The following ANK2 variants were observed in gnomAD, a reference collection of about 807,000 sequenced individuals.
ANK2 encodes ankyrin-2.
In ANK2, 83 loss-of-function variants were observed where a neutral mutation model predicts 360.5. That is an observed-to-expected ratio of 0.23 (90% CI 0.19 to 0.28). The LOEUF is 0.28. Among genes scored for constraint, ANK2 ranks in the 10% least tolerant of loss-of-function variants. The pLI, the probability that ANK2 is intolerant of heterozygous loss-of-function variation, is 1.00. For synonymous variants in ANK2, 1,740 were observed against 1,759.5 expected (o/e 0.99, Z 0.28); for missense variants, 4,201 against 4,795.7 (o/e 0.88, Z 3.66).
intron 31 of ANK2, among the ~76,000 whole-genome samples, chr4:113,338,581 G>T (rs1436093958): frequency 1.9e-5 from 2 of 107,148 alleles, no homozygotes; most frequent in South Asian, 5.9e-4. Context: ...ACGGAGTCTT[G>T]CTCTGTCGCC....
chr4:112,708,079 T>C, the ANK2 span, among the ~76,000 whole-genome samples: 1 of 152,238 alleles, frequency 6.6e-6, no homozygotes, highest in South Asian at 2.1e-4. Context: ...ACAGAAGTAC[T>C]GACAACCTCT....
At chr4:113,292,985 T>C in intron 21 of ANK2, 1 of 355,248 alleles carries the variant, frequency 2.8e-6, no homozygotes, top group Non-Finnish European at 5.5e-6. Context: ...TGTGTTATTT[T>C]GCTGCACAGT....
intron 33 of ANK2, 107 bp from the exon 34 acceptor site, chr4:113,342,910 T>A: frequency 7.3e-7 from 1 of 1,370,994 alleles, no homozygotes; most frequent in Non-Finnish European, 1.0e-6. Flanking sequence ...GATGGTTGTA[T>A]GTGTATTATA....
Position 113,288,485 on chromosome 4 carries a change from A to G in ANK2, c.2276A>G (p.Lys759Arg). Residue 759 changes from lysine (K) to arginine (R), a missense_variant and splice_region_variant, in exon 20 of 46, where the codon AAG becomes AGG. Coordinates refer to ENST00000357077, the MANE Select transcript of ANK2 (RefSeq NM_001148.6). ...GGAGCAAATGTTAACGCAAAAACCA[A>G]GGTAAAGTACTTGTGGTCATTTTCA... Reference protein sequence around the residue: ...KQGANVNAKTKNGYTPLHQAA... With the variant: ...KQGANVNAKTRNGYTPLHQAA... The G allele has an allele frequency of 6.2e-7, 1 of 1,612,490 alleles. No individual in the cohort carries two copies. Among genetic ancestry groups the G allele is most frequent in the Non-Finnish European group, 8.5e-7 (1 of 1,178,608 alleles).
chr4:113,131,886 C>T (rs59674936), intron 1 of ANK2, among the ~76,000 whole-genome samples: 3,996 of 152,230 alleles, frequency 0.026, 167 homozygotes, highest in African/African-American at 0.091. Context: ...AAAACACATC[C>T]GGGCAAGATA....
rs1361324455 is a variant in ANK2, at chr4:113,278,565, A to C, written c.1881+7A>C. ...CCCTCATGCCACTGCCAAGGTGAGG[A>C]CCACAGAAAAGGATTTACAGGCATA... is the stretch of plus-strand genomic sequence containing the variant. On this transcript the variant is annotated splice_region_variant and intron_variant, in intron 17 of 45. Coordinates refer to ENST00000357077, the MANE Select transcript of ANK2 (RefSeq NM_001148.6). 6.2e-7 allele frequency: 1 copy of C among 1,613,380 alleles called. No homozygotes were observed. The highest frequency in any genetic ancestry group is 1.7e-5 in the Admixed American group (1 of 60,014).
intron 2 of ANK2, among the ~76,000 whole-genome samples, chr4:113,021,543 TA>T (rs2058163521): frequency 2.5e-5 from 1 of 40,700 alleles, no homozygotes; most frequent in African/African-American, 5.7e-5. Context: ...CACACAAACA[TA>T]TATATATATA....
chr4:112,966,140 A>G (rs2037124277), intron 2 of ANK2, among the ~76,000 whole-genome samples: 1 of 151,796 alleles, frequency 6.6e-6, no homozygotes, highest in African/African-American at 2.4e-5. Flanking sequence ...ATTAGGATTC[A>G]AACTACTTCA....
chr4:112,784,812 T>G, the ANK2 span, among the ~76,000 whole-genome samples: 1 of 152,228 alleles, frequency 6.6e-6, no homozygotes, highest in African/African-American at 2.4e-5. Flanking sequence ...GATTGGATTT[T>G]ATTTTATCCT....
the ANK2 span, among the ~76,000 whole-genome samples, chr4:112,780,825 A>G: frequency 7.2e-5 from 11 of 152,092 alleles, no homozygotes; most frequent in African/African-American, 2.4e-4. Context: ...CCATGATCCA[A>G]TCATCTCCCA....
chr4:113,331,589 A>G (rs1432607060), intron 27 of ANK2, among the ~76,000 whole-genome samples: 16 of 152,192 alleles, frequency 1.1e-4, no homozygotes, highest in Non-Finnish European at 1.5e-5. Context: ...CAGATAGTTT[A>G]GGCTTTTTAA....
At chr4:113,337,925 C>G (rs1170812623) in intron 31 of ANK2, among the ~76,000 whole-genome samples, 1 of 152,178 alleles carries the variant, frequency 6.6e-6, no homozygotes, top group Non-Finnish European at 1.5e-5. Context: ...CTGTGATACG[C>G]TCTGCCCTTA....
intron 4 of ANK2, among the ~76,000 whole-genome samples, chr4:113,224,204 T>C (rs529256789): frequency 6.6e-6 from 1 of 152,308 alleles, no homozygotes; most frequent in South Asian, 2.1e-4. Context: ...GGCTCCACTT[T>C]TTGAAGTGAG....
At position 113,087,006 on chromosome 4, in the gene ANK2, C is replaced by A. The variant is rs553996718; in HGVS notation, c.84+37194C>A. ...TTATGTTGGGTGATAGGAATACAGA[C>A]CTGACCAAGACAGTTCTTAACTTCA... is the stretch of plus-strand genomic sequence containing the variant. On this transcript the variant is annotated intron_variant, in intron 1 of 45. Transcript: ENST00000357077. Among the ~76,000 whole-genome samples, 6 of 152,214 alleles carry A rather than the reference C, an allele frequency of 3.9e-5. No homozygotes were observed. In the East Asian group the frequency reaches 1.2e-3, roughly 29 times the overall value.
intron 1 of ANK2, among the ~76,000 whole-genome samples, chr4:112,867,990 A>C (rs1303008558): frequency 1.3e-5 from 2 of 152,194 alleles, no homozygotes; most frequent in Non-Finnish European, 2.9e-5. Context: ...CTGTTTTCCA[A>C]AGAGGCTATA....
intron 32 of ANK2, among the ~76,000 whole-genome samples, chr4:113,340,354 G>T (rs2094125954): frequency 6.6e-6 from 1 of 152,204 alleles, no homozygotes; most frequent in African/African-American, 2.4e-5. Flanking sequence ...ATGAGAAGGT[G>T]TAGTGGGGGA....
At chr4:112,705,963 T>G in the ANK2 span, among the ~76,000 whole-genome samples, 7 of 150,524 alleles carry the variant, frequency 4.7e-5, no homozygotes, top group Non-Finnish European at 1.0e-4. Context: ...GGACTTCGGC[T>G]GGGCGAGCAG....
intron 2 of ANK2, among the ~76,000 whole-genome samples, chr4:113,191,211 C>A (rs149859595): frequency 6.6e-6 from 1 of 152,090 alleles, no homozygotes; most frequent in African/African-American, 2.4e-5. Flanking sequence ...GGTGTGGTGG[C>A]ATGTGCCTGT....
chr4:113,220,798 C>G (rs1312003961), intron 4 of ANK2, among the ~76,000 whole-genome samples: 1 of 152,144 alleles, frequency 6.6e-6, no homozygotes, highest in Non-Finnish European at 1.5e-5. Context: ...AAACACAAAT[C>G]TAAGTCATCT....
Sources: allele counts gnomAD v4.1 joint callset (sites outside exome capture counted in the v4.1 genomes callset), GRCh38; gene constraint gnomAD v4.1.1; transcripts MANE v1.5; gene names NCBI Gene and HGNC (gene_info 2026-07-23, HGNC 2026-07-21).